ZMIZ1: variants seen among roughly 807,000 people sequenced by gnomAD.
The protein encoded by ZMIZ1 is zinc finger MIZ-type containing 1.
In ZMIZ1, 17 loss-of-function variants were observed where a neutral mutation model predicts 113.9. That is an observed-to-expected ratio of 0.15 (90% confidence interval 0.10 to 0.22). ZMIZ1 has a LOEUF of 0.22. Among genes scored for constraint, ZMIZ1 ranks in the 10% least tolerant of loss-of-function variants. The pLI, the probability that ZMIZ1 is intolerant of heterozygous loss-of-function variation, is 1.00. For synonymous variants in ZMIZ1, 607 were observed against 603.1 expected, an observed-to-expected ratio of 1.01 and a Z score of -0.09; for missense variants, 1,059 against 1,477.8, an observed-to-expected ratio of 0.72 and a Z score of 4.65.
At chr10:79,265,792 C>T (rs1333771352) in intron 7 of ZMIZ1, among the ~76,000 whole-genome samples, 1 of 152,142 alleles carries the variant, frequency 6.6e-6, no homozygotes, top group Non-Finnish European at 1.5e-5. Context: ...CAGGGTGCTC[C>T]CCACCCATCC....
intron 24 of ZMIZ1, 115 bp downstream of exon 24, chr10:79,311,299 G>T: frequency 8.0e-7 from 1 of 1,254,716 alleles, no homozygotes. Context: ...GTGGGTGGGC[G>T]GTGGGAGGGC....
At chr10:79,185,883 C>T (rs754566204) in intron 4 of ZMIZ1, among the ~76,000 whole-genome samples, 1 of 152,136 alleles carries the variant, frequency 6.6e-6, no homozygotes, top group Non-Finnish European at 1.5e-5. Context: ...TCCTGTCCAT[C>T]ATCTGCTCCC....
chr10:79,186,137 C>T (rs144198261), intron 4 of ZMIZ1, among the ~76,000 whole-genome samples: 1 of 152,182 alleles, frequency 6.6e-6, no homozygotes, highest in East Asian at 1.9e-4. Context: ...GACACACACC[C>T]ACCACCCACG....
In ZMIZ1 at chr10:79,099,153, C is replaced by T. The variant is rs563011549; in HGVS notation, c.-336-19762C>T. Among the ~76,000 whole-genome samples, 34 of 152,268 alleles carry T rather than the reference C, an allele frequency of 2.2e-4. No individual in the cohort carries two copies. The South Asian group carries it at 3.9e-3, about 18-fold the overall frequency. ...GCACCACAGTGTCTGCAAACCAGAGCGGAGGGTCCCTAGGCTGTGGGGGTG... is the reference window on the plus strand; with the variant it reads ...GCACCACAGTGTCTGCAAACCAGAGTGGAGGGTCCCTAGGCTGTGGGGGTG... On this transcript the variant is annotated intron_variant, in intron 1 of 24. Transcript: ENST00000334512.
intron 1 of ZMIZ1, among the ~76,000 whole-genome samples, chr10:79,092,022 G>T (rs1340537440): frequency 6.6e-6 from 1 of 152,138 alleles, no homozygotes; most frequent in Non-Finnish European, 1.5e-5. Flanking sequence ...ATGGGGCAGG[G>T]CTTAGGGGCT....
chr10:79,190,982 C>T (rs1029323824), intron 4 of ZMIZ1, among the ~76,000 whole-genome samples: 1 of 152,150 alleles, frequency 6.6e-6, no homozygotes, highest in African/African-American at 2.4e-5. Flanking sequence ...GACTTCATCT[C>T]ATGTGTTGGT....
intron 5 of ZMIZ1, among the ~76,000 whole-genome samples, chr10:79,202,453 GAAAA>G (rs200110099): frequency 4.0e-5 from 6 of 149,034 alleles, no homozygotes; most frequent in South Asian, 4.3e-4. Flanking sequence ...TTTAAAAAAA[GAAAA>G]AAAAAGCCAC....
intron 3 of ZMIZ1, among the ~76,000 whole-genome samples, chr10:79,159,873 G>GGGCTGGGGT (rs1846037808): frequency 6.6e-6 from 1 of 152,172 alleles, no homozygotes; most frequent in Admixed American, 6.5e-5. Flanking sequence ...CAACACCAAG[G>GGGCTGGGGT]GGCTGGGGTG....
At chr10:79,091,400 A>G (rs899199418) in intron 1 of ZMIZ1, among the ~76,000 whole-genome samples, 1 of 152,202 alleles carries the variant, frequency 6.6e-6, no homozygotes, top group African/African-American at 2.4e-5. Flanking sequence ...ATATTTCTCC[A>G]TTAGAAGGAT....
chr10:79,269,820 G>A (rs879356954), intron 7 of ZMIZ1, among the ~76,000 whole-genome samples: 14 of 152,180 alleles, frequency 9.2e-5, no homozygotes, highest in Middle Eastern at 3.2e-3. Flanking sequence ...CTGCTTTCTT[G>A]CTCCTTTTCA....
intron 1 of ZMIZ1, among the ~76,000 whole-genome samples, chr10:79,090,710 C>G (rs548688603): frequency 6.6e-6 from 1 of 152,318 alleles, no homozygotes; most frequent in African/African-American, 2.4e-5. Context: ...TCTGGAGCAG[C>G]CTGCTCACAA....
chr10:79,193,815 T>A (rs1413592341), intron 4 of ZMIZ1, among the ~76,000 whole-genome samples: 8 of 152,142 alleles, frequency 5.3e-5, no homozygotes, highest in Admixed American at 5.2e-4. Context: ...AGGTGCGATC[T>A]TCAGAGCACA....
intron 7 of ZMIZ1, among the ~76,000 whole-genome samples, chr10:79,216,678 C>G (rs1848745129): frequency 1.3e-5 from 2 of 152,332 alleles, no homozygotes; most frequent in African/African-American, 4.8e-5. Context: ...GGCCACACAG[C>G]TGGAAGGCAG....
At chr10:79,129,318 A>T (rs1244001527) in intron 2 of ZMIZ1, among the ~76,000 whole-genome samples, 1 of 152,196 alleles carries the variant, frequency 6.6e-6, no homozygotes, top group African/African-American at 2.4e-5. Flanking sequence ...TCCTGGTTTT[A>T]GCATGGAAAA....
At chr10:79,301,432 G>A (rs926539634) in intron 17 of ZMIZ1, among the ~76,000 whole-genome samples, 2 of 151,840 alleles carry the variant, frequency 1.3e-5, no homozygotes, top group Admixed American at 6.6e-5. Context: ...CTTCCAACCC[G>A]TGACTTGTTA....
At chr10:79,310,784 C>T (rs375505649) in intron 23 of ZMIZ1, 140 bp from the exon 24 acceptor site, 12 of 985,264 alleles carry the variant, frequency 1.2e-5, no homozygotes, top group Non-Finnish European at 1.7e-5. Context: ...TGCCCAGAAA[C>T]AACGTTCAGC....
intron 2 of ZMIZ1, among the ~76,000 whole-genome samples, chr10:79,136,057 C>T (rs1202419576): frequency 2.6e-5 from 4 of 152,190 alleles, no homozygotes; most frequent in African/African-American, 9.6e-5. Flanking sequence ...CCAAAAGGCA[C>T]CTGCCTCCTC....
chr10:79,274,871 C>T (rs1240267356), intron 7 of ZMIZ1, among the ~76,000 whole-genome samples: 2 of 152,192 alleles, frequency 1.3e-5, no homozygotes, highest in African/African-American at 4.8e-5. Context: ...GGGGGTGGCC[C>T]GTGACATTGG....
chr10:79,251,513 A>ACTC (rs1386974730), intron 7 of ZMIZ1, among the ~76,000 whole-genome samples: 32 of 150,384 alleles, frequency 2.1e-4, no homozygotes, highest in Non-Finnish European at 4.0e-4. Flanking sequence ...CTATCCAGAC[A>ACTC]CTCCCCCAAC....
Sources: allele counts gnomAD v4.1 joint callset (sites outside exome capture counted in the v4.1 genomes callset), GRCh38; gene constraint gnomAD v4.1.1; transcripts MANE v1.5; gene names NCBI Gene and HGNC (gene_info 2026-07-23, HGNC 2026-07-21).